PKD2: variants seen among roughly 807,000 people sequenced by gnomAD.
PKD2 encodes the protein polycystin-2.
PKD2 carries 48 observed loss-of-function variants against 105.9 expected under a neutral mutation model. That is an observed-to-expected ratio of 0.45 (90% CI 0.36 to 0.58). The LOEUF (loss-of-function observed/expected upper bound fraction) is 0.58, where lower values mean the gene tolerates loss of function less well. PKD2 is among the 20% of genes least tolerant of loss of function. The pLI, the probability that PKD2 is intolerant of heterozygous loss-of-function variation, is 0.00. For synonymous variants in PKD2, 464 were observed against 481.1 expected (o/e 0.96, Z 0.46); for missense variants, 1,078 against 1,255.3 (o/e 0.86, Z 2.13).
At chr4:88,072,616 C>CT (rs1721075033) in intron 13 of PKD2, among the ~76,000 whole-genome samples, 1 of 152,210 alleles carries the variant, frequency 6.6e-6, no homozygotes, top group South Asian at 2.1e-4. Context: ...ATGGCAGTCT[C>CT]TGATTTTCTC....
intron 2 of PKD2, among the ~76,000 whole-genome samples, chr4:88,030,166 A>G (rs938901944): frequency 1.2e-4 from 18 of 152,104 alleles, no homozygotes; most frequent in African/African-American, 4.3e-4. Flanking sequence ...TTATGTATTT[A>G]TTTGAGACAG....
chr4:88,018,544 CTT>C (rs201006387), intron 1 of PKD2, among the ~76,000 whole-genome samples: 1 of 152,096 alleles, frequency 6.6e-6, no homozygotes, highest in Non-Finnish European at 1.5e-5. Flanking sequence ...AGAGGTTTGT[CTT>C]TTTTGGAAAG....
rs1458310627 is a variant in PKD2, at chr4:88,038,492, A to G, written c.1085A>G (p.Asn362Ser). 1.9e-6 allele frequency: 3 copies of G among 1,613,986 alleles called. No homozygotes were observed. The highest frequency in any genetic ancestry group is 2.5e-6 in the Non-Finnish European group (3 of 1,179,842). Residue 362 changes from asparagine (N) to serine (S), a missense_variant, in exon 4 of 15, where the codon AAT (asparagine) becomes AGT (serine). Coordinates refer to ENST00000237596, the MANE Select transcript of PKD2 (RefSeq NM_000297.4). ...SEDRAPFGPR[N>S]GTAWIYTSEK... The stretch of plus-strand genomic sequence containing the variant: ...GATAGGGCTCCCTTTGGGCCCCGAA[A>G]TGGAACCGCGTAAGTGTCTGTGACT...
In PKD2 at chr4:88,075,781, G is replaced by C; in HGVS notation, c.*87G>C. ...AACAAGCACACTATTTATATGCCCTGACCACCATAGGATGCTAGTCTTTGT... is the reference window on the plus strand; with the variant it reads ...AACAAGCACACTATTTATATGCCCTCACCACCATAGGATGCTAGTCTTTGT... On this transcript the variant is annotated 3_prime_UTR_variant, in exon 15 of 15. Transcript: ENST00000237596. 7 of 880,164 alleles carry C rather than the reference G, an allele frequency of 8.0e-6. No individual in the cohort carries two copies. The highest frequency in any genetic ancestry group is 1.7e-5 in the Admixed American group (1 of 59,160). The allele number at this position is 880,164 out of a possible 1,614,324, so 54.5% of individuals were successfully genotyped here. A position where few individuals can be genotyped will look rare whatever the true frequency, so the allele number is the denominator to read the frequency against.
intron 10 of PKD2, among the ~76,000 whole-genome samples, chr4:88,063,869 T>C (rs1720677823): frequency 6.6e-6 from 1 of 152,128 alleles, no homozygotes; most frequent in African/African-American, 2.4e-5. Flanking sequence ...AGAAAAAATG[T>C]TGGGGCTGGA....
chr4:88,018,854 A>G (rs1030292479), intron 1 of PKD2, among the ~76,000 whole-genome samples: 1 of 152,252 alleles, frequency 6.6e-6, no homozygotes, highest in Non-Finnish European at 1.5e-5. Flanking sequence ...TGCTCAGCTA[A>G]GCACGCTTAG....
At chr4:88,057,298 T>G (rs1243580873) in intron 8 of PKD2, among the ~76,000 whole-genome samples, 1 of 151,326 alleles carries the variant, frequency 6.6e-6, no homozygotes, top group Admixed American at 6.6e-5. Flanking sequence ...GCCCTGTTGT[T>G]TTTTTTTTAA....
At chr4:88,061,332 T>G (rs1222096940) in intron 9 of PKD2, among the ~76,000 whole-genome samples, 1 of 152,224 alleles carries the variant, frequency 6.6e-6, no homozygotes, top group Non-Finnish European at 1.5e-5. Flanking sequence ...ACTAATATTT[T>G]GTTGTATTTT....
intron 5 of PKD2, among the ~76,000 whole-genome samples, chr4:88,046,373 G>A (rs568256916): frequency 8.5e-5 from 13 of 152,274 alleles, no homozygotes; most frequent in East Asian, 1.9e-4. Flanking sequence ...GTTGAGCAGC[G>A]TAAATATAGA....
chr4:88,048,895 A>C (rs1727872669), intron 6 of PKD2, among the ~76,000 whole-genome samples: 2 of 152,256 alleles, frequency 1.3e-5, no homozygotes, highest in Admixed American at 1.3e-4. Flanking sequence ...TTGATGGCAG[A>C]GTGCAGGCCA....
rs907926148 is a variant in PKD2, at chr4:88,007,989, G to A, written c.256G>A (p.Ala86Thr). The change falls in exon 1 of 15, where the codon GCG (alanine) becomes ACG (threonine). Residue 86 changes from alanine (A) to threonine (T), a missense_variant. Coordinates refer to ENST00000237596, the MANE Select transcript of PKD2 (RefSeq NM_000297.4). Reference protein sequence around the residue: ...SPPLSSCSRQAWSRDNPGFEA... With the variant: ...SPPLSSCSRQTWSRDNPGFEA... ...TCCGCTCTCGTCGTGCTCCCGGCAG[G>A]CGTGGAGCCGCGATAACCCCGGCTT... 1 of 1,514,996 alleles carries A rather than the reference G, an allele frequency of 6.6e-7. No homozygotes were observed. The highest frequency in any genetic ancestry group is 8.8e-7 in the Non-Finnish European group (1 of 1,136,094). 93.8% of individuals were successfully genotyped at this position (1,514,996 alleles called of 1,614,324 possible).
At chr4:88,009,299 C>G (rs1385006117) in intron 1 of PKD2, among the ~76,000 whole-genome samples, 2 of 152,086 alleles carry the variant, frequency 1.3e-5, no homozygotes, top group Non-Finnish European at 2.9e-5. Flanking sequence ...TAAGAGTTTC[C>G]ATTCTCAGTT....
At chr4:88,026,726 C>A (rs1726969550) in intron 2 of PKD2, among the ~76,000 whole-genome samples, 1 of 152,156 alleles carries the variant, frequency 6.6e-6, no homozygotes, top group Non-Finnish European at 1.5e-5. Flanking sequence ...AGCCTGGAGG[C>A]CTAGAAGGGA....
At chr4:88,043,160 C>T in intron 4 of PKD2, 73 bp from the exon 5 acceptor site, 1 of 938,326 alleles carries the variant, frequency 1.1e-6, no homozygotes, top group Non-Finnish European at 1.7e-6. Context: ...TACAAGGAAC[C>T]AGCTGTCCTT....
At position 88,019,493 on chromosome 4, in the gene PKD2, A is replaced by G. The variant is rs775345446; in HGVS notation, c.631A>G (p.Thr211Ala). 6.2e-7 allele frequency: 1 copy of G among 1,604,818 alleles called. No individual in the cohort carries two copies. The highest frequency in any genetic ancestry group is 8.5e-7 in the Non-Finnish European group (1 of 1,171,534). The change falls in exon 2 of 15, where the codon ACT becomes GCT. Residue 211 changes from threonine to alanine, a missense_variant. Around this residue, in one of 2 missense-constraint regions of PKD2, gnomAD observed 868 missense variants for 1,067.3 expected, o/e 0.81. Transcript: ENST00000237596. ...AACAAGACTCATGGAGGAAAGCAGC[A>G]CTAACCGAGAGAAATACCTTAAAAG... Reference protein sequence around the residue: ...WGTRLMEESSTNREKYLKSVL... With the variant: ...WGTRLMEESSANREKYLKSVL...
intron 1 of PKD2, among the ~76,000 whole-genome samples, chr4:88,011,410 T>TCC (rs998324986): frequency 2.0e-5 from 3 of 151,384 alleles, no homozygotes; most frequent in African/African-American, 7.3e-5. Context: ...GATACCTCCC[T>TCC]CCCCTTCAAT....
chr4:88,015,711 T>C (rs957161831), intron 1 of PKD2, among the ~76,000 whole-genome samples: 4 of 152,236 alleles, frequency 2.6e-5, no homozygotes, highest in Admixed American at 2.6e-4. Context: ...CGTGAGCCAG[T>C]GTGCCCAGCC....
chr4:88,071,788 G>T (rs746981648), intron 13 of PKD2, among the ~76,000 whole-genome samples: 2 of 152,134 alleles, frequency 1.3e-5, no homozygotes, highest in South Asian at 4.1e-4. Context: ...TTTTAGCAGC[G>T]TGCTCATTAA....
At position 88,043,411 on chromosome 4, in the gene PKD2, G is replaced by A; in HGVS notation, c.1273G>A (p.Asp425Asn). 6.2e-7 allele frequency: 1 copy of A among 1,613,988 alleles called. No homozygotes were observed. The highest frequency in any genetic ancestry group is 8.5e-7 in the Non-Finnish European group (1 of 1,179,902). Reference protein sequence around the residue: ...LDRGTRATFIDFSVYNANINL... With the variant: ...LDRGTRATFINFSVYNANINL... The stretch of plus-strand genomic sequence containing the variant: ...CCGAGGAACCAGGGCAACTTTTATT[G>A]ACTTCTCAGTGTACAACGCCAACAT... Residue 425 changes from aspartate to asparagine, a missense_variant, in exon 5 of 15, where the codon GAC becomes AAC. Around this residue, in one of 2 missense-constraint regions of PKD2, gnomAD observed 868 missense variants for 1,067.3 expected, o/e 0.81. Transcript: ENST00000237596.
Sources: allele counts gnomAD v4.1 joint callset (sites outside exome capture counted in the v4.1 genomes callset), GRCh38; gene constraint gnomAD v4.1.1; regional missense constraint gnomAD v4.1.1; transcripts MANE v1.5; gene names NCBI Gene and HGNC (gene_info 2026-07-23, HGNC 2026-07-21).